TAC1: variants seen among roughly 807,000 people sequenced by gnomAD.
The protein encoded by TAC1 is protachykinin-1.
In TAC1, 12 loss-of-function variants were observed where a neutral mutation model predicts 21.7. The observed-to-expected ratio is 0.55, with a 90% CI of 0.35 to 0.89. TAC1 has a LOEUF of 0.89. TAC1 is among the 40% of genes least tolerant of loss of function. The probability of loss-of-function intolerance (pLI) is 0.01; values close to 1 mark genes in which losing one functional copy is unlikely to be tolerated. For missense variants in TAC1, 128 were observed against 151.4 expected (o/e 0.85, Z 0.81); for synonymous variants, 52 against 52.0 (o/e 1.00, Z 0.00).
At position 97,732,839 on chromosome 7, in the gene TAC1, A is replaced by T. The variant is rs1789465717; in HGVS notation, c.123+104A>T. 1 of 1,427,426 alleles carries T rather than the reference A, an allele frequency of 7.0e-7. No homozygotes were observed. Among genetic ancestry groups the T allele is most frequent in the Non-Finnish European group, 9.4e-7 (1 of 1,061,504 alleles). 88.4% of individuals were successfully genotyped at this position (1,427,426 alleles called of 1,614,324 possible). A position where few individuals can be genotyped will look rare whatever the true frequency, so the allele number is the denominator to read the frequency against. On this transcript the variant is annotated intron_variant, in intron 2 of 6. Transcript: ENST00000319273. This position sits in a 1 kb window ranked among gnomAD's most constrained non-coding sequence, Gnocchi z 6.2. ...AGTTAACGTGGCACGCACCGCCACCACGGAAAGAGGCAGCGGTTGCGTGCG... is the reference window on the plus strand; with the variant it reads ...AGTTAACGTGGCACGCACCGCCACCTCGGAAAGAGGCAGCGGTTGCGTGCG...
intron 5 of TAC1, among the ~76,000 whole-genome samples, chr7:97,735,281 AG>A (rs373301409): frequency 4.9e-4 from 75 of 152,328 alleles, no homozygotes; most frequent in African/African-American, 1.6e-3. Context: ...GTCATTTATT[AG>A]GGTCATCCAG....
In TAC1 at chr7:97,740,114, C is replaced by A; in HGVS notation, c.*194C>A. 2.5e-6 allele frequency: 1 copy of A among 400,002 alleles called. No homozygotes were observed. Among genetic ancestry groups the A allele is most frequent in the East Asian group, 3.8e-5 (1 of 26,056 alleles). The allele number at this position is 400,002 out of a possible 1,614,324, so 24.8% of individuals were successfully genotyped here. A position where few individuals can be genotyped will look rare whatever the true frequency, so the allele number is the denominator to read the frequency against. The stretch of plus-strand genomic sequence containing the variant: ...GTGTTTTAATTCCAATATGATGACT[C>A]CCTTAAAATAGAAATAAGTGGTTAT... On this transcript the variant is annotated 3_prime_UTR_variant, in exon 7 of 7. Coordinates refer to ENST00000319273, the MANE Select transcript of TAC1 (RefSeq NM_003182.3).
rs889004414 is a variant in TAC1 at position 97,732,863 on chromosome 7, C to T, written c.123+128C>T. 3 of 1,251,952 alleles carry T rather than the reference C, an allele frequency of 2.4e-6. No individual in the cohort carries two copies. The highest frequency in any genetic ancestry group is 3.0e-5 in the African/African-American group (2 of 66,638). The allele number at this position is 1,251,952 out of a possible 1,614,324, so 77.6% of individuals were successfully genotyped here. On this transcript the variant is annotated intron_variant, in intron 2 of 6. Coordinates refer to ENST00000319273, the MANE Select transcript of TAC1 (RefSeq NM_003182.3). The surrounding 1 kb of genome is among the most constrained non-coding windows in gnomAD (Gnocchi z 6.2). ...CACGGAAAGAGGCAGCGGTTGCGTG[C>T]GAGAGGATGGAAAGGGGCACTATTT...
intron 6 of TAC1, among the ~76,000 whole-genome samples, chr7:97,737,824 T>C (rs1184862932): frequency 2.0e-5 from 3 of 152,024 alleles, no homozygotes; most frequent in African/African-American, 4.8e-5. Flanking sequence ...GGAAATGAAA[T>C]ATAAATTTAA....
At chr7:97,734,740 G>C (rs141927433) in intron 4 of TAC1, 86 bp from the exon 5 acceptor site, 21 of 1,023,962 alleles carry the variant, frequency 2.1e-5, no homozygotes, top group Non-Finnish European at 3.0e-5. Context: ...TACATATTTT[G>C]AGAATCAAAT....
At chr7:97,735,373 T>A (rs555775317) in intron 5 of TAC1, among the ~76,000 whole-genome samples, 35 of 152,342 alleles carry the variant, frequency 2.3e-4, no homozygotes, top group African/African-American at 8.4e-4. Flanking sequence ...TGCAGTTTTT[T>A]AATCCCCTAA....
In TAC1 at chr7:97,732,917, A is replaced by C. The variant is rs1789469050; in HGVS notation, c.123+182A>C. 2 of 827,392 alleles carry C rather than the reference A, an allele frequency of 2.4e-6. No homozygotes were observed. Among genetic ancestry groups the C allele is most frequent in the East Asian group, 5.5e-5 (2 of 36,496 alleles). 51.3% of individuals were successfully genotyped at this position (827,392 alleles called of 1,614,324 possible). ...GGGTTCCCCACGGGATTTTGTGCCC[A>C]CGATTCAAGTTTCTTCCCGAGGGCT... is the stretch of plus-strand genomic sequence containing the variant. On this transcript the variant is annotated intron_variant, in intron 2 of 6. Coordinates refer to ENST00000319273, the MANE Select transcript of TAC1 (RefSeq NM_003182.3). The surrounding 1 kb of genome is among the most constrained non-coding windows in gnomAD (Gnocchi z 6.2).
chr7:97,739,803 C>A, intron 6 of TAC1, 71 bp from the exon 7 acceptor site: 2 of 1,104,726 alleles, frequency 1.8e-6, no homozygotes, highest in Non-Finnish European at 2.7e-6. Flanking sequence ...TACTATATGC[C>A]CTGAACTTTA....
chr7:97,734,654 G>C (rs990734436), intron 4 of TAC1, among the ~76,000 whole-genome samples, 172 bp from the exon 5 acceptor site: 1 of 151,984 alleles, frequency 6.6e-6, no homozygotes, highest in South Asian at 2.1e-4. Flanking sequence ...TAAATATTTA[G>C]TTTTTATGAT....
intron 6 of TAC1, 134 bp downstream of exon 6, chr7:97,736,486 T>C (rs1201763465): frequency 2.5e-6 from 2 of 794,522 alleles, no homozygotes; most frequent in Non-Finnish European, 4.1e-6. Flanking sequence ...ATTTAATTGT[T>C]GTACTTGTAA....
Position 97,733,743 on chromosome 7 carries a change from T to G in TAC1, c.144T>G (p.Phe48Leu), listed in dbSNP as rs1375472944. 1 of 1,614,122 alleles carries G rather than the reference T, an allele frequency of 6.2e-7. No individual in the cohort carries two copies. The highest frequency in any genetic ancestry group is 1.1e-5 in the South Asian group (1 of 91,084). The stretch of plus-strand genomic sequence containing the variant: ...CCCAGGAGGAACTGCCGGAGCCCTT[T>G]GAGCATCTTCTGCAGAGAATCGCCC... ...DQIKEELPEP[F>L]EHLLQRIARR... The change falls in exon 3 of 7, where the codon TTT becomes TTG. Residue 48 changes from phenylalanine to leucine, a missense_variant. By Grantham distance (22) the Phe-to-Leu change is conservative. Transcript: ENST00000319273.
rs763341381 is a variant in TAC1, at chr7:97,734,025, T to C, written c.220+206T>C. ...GAAAGATCTGGTTCGCATGCCTCACTGTATTCGAGTGAAGCGCTCCCTTGA... is the reference window on the plus strand; with the variant it reads ...GAAAGATCTGGTTCGCATGCCTCACCGTATTCGAGTGAAGCGCTCCCTTGA... On this transcript the variant is annotated intron_variant, in intron 3 of 6. Coordinates refer to ENST00000319273, the MANE Select transcript of TAC1 (RefSeq NM_003182.3). 1.5e-5 allele frequency: 10 copies of C among 678,342 alleles called. No homozygotes were observed. The African/African-American group carries it at 1.6e-4, about 11-fold the overall frequency. 42.0% of individuals were successfully genotyped at this position (678,342 alleles called of 1,614,324 possible). A position where few individuals can be genotyped will look rare whatever the true frequency, so the allele number is the denominator to read the frequency against.
At chr7:97,736,484 GTTGTAC>G (rs890511062) in intron 6 of TAC1, 132 bp downstream of exon 6, 13 of 799,718 alleles carry the variant, frequency 1.6e-5, no homozygotes, top group African/African-American at 1.4e-4. Context: ...AAATTTAATT[GTTGTAC>G]TTGTAACCAC....
chr7:97,734,227 T>C (rs1462520325), intron 3 of TAC1, 21 bp from the exon 4 acceptor site: 1 of 1,613,234 alleles, frequency 6.2e-7, no homozygotes. Flanking sequence ...ATGTAGTTAA[T>C]GACAATTCGT....
In TAC1 at chr7:97,734,869, G is replaced by A. The variant is rs1303331959; in HGVS notation, c.289+20G>A. The A allele has an allele frequency of 1.3e-6, 2 of 1,555,134 alleles. No individual in the cohort carries two copies. Among genetic ancestry groups the A allele is most frequent in the South Asian group, 1.1e-5 (1 of 87,446 alleles). On this transcript the variant is annotated intron_variant, in intron 5 of 6. Transcript: ENST00000319273. ...ACAAAAGTAAGTTCAAAATTATTTT[G>A]ACATTTATCAAATTTAAATGTAAAA...
Position 97,732,587 on chromosome 7 carries a change from C to T in TAC1, c.-9-17C>T, listed in dbSNP as rs1462775339. On this transcript the variant is annotated splice_polypyrimidine_tract_variant and intron_variant, in intron 1 of 6. Coordinates refer to ENST00000319273, the MANE Select transcript of TAC1 (RefSeq NM_003182.3). The surrounding 1 kb of genome is among the most constrained non-coding windows in gnomAD (Gnocchi z 6.2). ...TTATTTCTCTCTTTGGTGTCTTCTC[C>T]TCCTACCCCTTCCCAGAAATCCAAC... The T allele has an allele frequency of 6.2e-7, 1 of 1,614,012 alleles. No individual in the cohort carries two copies. The highest frequency in any genetic ancestry group is 8.5e-7 in the Non-Finnish European group (1 of 1,179,976).
chr7:97,736,355 A>G lies in TAC1; in HGVS notation c.343+3A>G. ...GGGCAAAAGAGCTTTAAATTCTGGT[A>G]TGTATGAAATTATGACTGAAAATAG... is the stretch of plus-strand genomic sequence containing the variant. On this transcript the variant is annotated splice_donor_region_variant and intron_variant, in intron 6 of 6. Transcript: ENST00000319273. 1 of 1,608,730 alleles carries G rather than the reference A, an allele frequency of 6.2e-7. No homozygotes were observed. The highest frequency in any genetic ancestry group is 8.5e-7 in the Non-Finnish European group (1 of 1,176,274).
intron 6 of TAC1, among the ~76,000 whole-genome samples, chr7:97,737,820 G>A (rs1237320908): frequency 6.6e-6 from 1 of 151,950 alleles, no homozygotes; most frequent in Non-Finnish European, 1.5e-5. Context: ...TTTTGGAAAT[G>A]AAATATAAAT....
At chr7:97,734,016 A>T (rs1350547123) in intron 3 of TAC1, 197 bp downstream of exon 3, 1 of 686,756 alleles carries the variant, frequency 1.5e-6, no homozygotes, top group Non-Finnish European at 2.5e-6. Context: ...TCTGGTTCGC[A>T]TGCCTCACTG....
Sources: gnomAD v4.1 joint callset for allele counts (sites outside exome capture counted in the v4.1 genomes callset) on GRCh38, gnomAD v4.1.1 for gene constraint, Gnocchi (gnomAD v3.1) non-coding constraint, MANE v1.5 for transcripts, NCBI Gene and HGNC (gene_info 2026-07-23, HGNC 2026-07-21) for gene names.